LY96: variants seen among roughly 807,000 people sequenced by gnomAD.
The protein encoded by LY96 is lymphocyte antigen 96.
Under a neutral mutation model 18.9 loss-of-function variants are expected in LY96, and 18 were observed. That is an observed-to-expected ratio of 0.95 (90% CI 0.66 to 1.41). LY96 has a LOEUF of 1.41. Among genes scored for constraint, LY96 ranks in the 40% most tolerant of loss-of-function variants. The pLI, the probability that LY96 is intolerant of heterozygous loss-of-function variation, is 0.00. For missense variants in LY96, 175 were observed against 182.4 expected, an observed-to-expected ratio of 0.96 and a Z score of 0.23; for synonymous variants, 66 against 62.6, an observed-to-expected ratio of 1.06 and a Z score of -0.26.
chr8:74,006,439 C>G (rs1257355060), intron 2 of LY96, among the ~76,000 whole-genome samples: 2 of 152,286 alleles, frequency 1.3e-5, no homozygotes, highest in East Asian at 3.9e-4. Context: ...CTCAAGTGAT[C>G]CACCCGCCTA....
chr8:74,073,224 C>T, the LY96 span, among the ~76,000 whole-genome samples: 3 of 152,172 alleles, frequency 2.0e-5, no homozygotes, highest in Non-Finnish European at 1.5e-5. Flanking sequence ...ATACACCTGG[C>T]TCAGGAGAAG....
At chr8:74,022,561 C>G (rs1816790726) in intron 3 of LY96, among the ~76,000 whole-genome samples, 1 of 149,858 alleles carries the variant, frequency 6.7e-6, no homozygotes, top group South Asian at 2.1e-4. Flanking sequence ...TAATAGAAAT[C>G]TAGGGTTTTT....
chr8:74,092,650 A>G, the LY96 span, among the ~76,000 whole-genome samples: 1 of 152,168 alleles, frequency 6.6e-6, no homozygotes, highest in East Asian at 1.9e-4. Flanking sequence ...TTAAATAGCT[A>G]ACACTGAACT....
intron 2 of LY96, among the ~76,000 whole-genome samples, chr8:74,009,239 A>C (rs1816477102): frequency 6.6e-6 from 1 of 151,924 alleles, no homozygotes. Context: ...TACTAAAAAT[A>C]CAAAAATTAG....
Position 74,004,810 on chromosome 8 carries a change from C to G in LY96, c.127C>G (p.Pro43Ala). Reference protein sequence around the residue: ...SYTYCDKMQYPISINVNPCIE... With the variant: ...SYTYCDKMQYAISINVNPCIE... The stretch of plus-strand genomic sequence containing the variant: ...ATTGCTTTTAGATAAAATGCAATAC[C>G]CAATTTCAATTAATGTTAACCCCTG... The change falls in exon 2 of 5, where the codon CCA becomes GCA. Residue 43 changes from proline (P) to alanine (A), a missense_variant. Physicochemically the swap from Pro to Ala is conservative, Grantham distance 27. Coordinates refer to ENST00000284818, the MANE Select transcript of LY96 (RefSeq NM_015364.5). 1 of 1,573,692 alleles carries G rather than the reference C, an allele frequency of 6.4e-7. No homozygotes were observed. Among genetic ancestry groups the G allele is most frequent in the Non-Finnish European group, 8.7e-7 (1 of 1,146,316 alleles).
At chr8:74,070,514 C>G in the LY96 span, among the ~76,000 whole-genome samples, 92 of 152,276 alleles carry the variant, frequency 6.0e-4, no homozygotes, top group African/African-American at 2.1e-3. Flanking sequence ...TTTTATATAT[C>G]CAGTGTATGC....
At chr8:74,017,333 C>T (rs1008088730) in intron 3 of LY96, among the ~76,000 whole-genome samples, 2 of 151,952 alleles carry the variant, frequency 1.3e-5, no homozygotes, top group East Asian at 1.9e-4. Flanking sequence ...TGAAATGAAG[C>T]AAGAAGAGAA....
the LY96 span, among the ~76,000 whole-genome samples, chr8:74,086,974 G>C: frequency 6.6e-6 from 1 of 152,196 alleles, no homozygotes; most frequent in Non-Finnish European, 1.5e-5. Flanking sequence ...GGGGCTTTTT[G>C]TTGCAGCAGC....
the LY96 span, among the ~76,000 whole-genome samples, chr8:74,077,825 G>C: frequency 6.6e-6 from 1 of 151,984 alleles, no homozygotes; most frequent in African/African-American, 2.4e-5. Context: ...GAGGTAACAT[G>C]GGCCAGGTGT....
intron 1 of LY96, among the ~76,000 whole-genome samples, chr8:73,998,975 ATT>A (rs35692787): frequency 1.4e-5 from 2 of 146,700 alleles, no homozygotes. Flanking sequence ...GCTTGTTATA[ATT>A]TTTTTTTTTT....
At chr8:74,027,026 C>G (rs1033107199) in intron 4 of LY96, among the ~76,000 whole-genome samples, 185 bp downstream of exon 4, 1 of 151,386 alleles carries the variant, frequency 6.6e-6, no homozygotes, top group Non-Finnish European at 1.5e-5. Flanking sequence ...CTCCACCCGC[C>G]AACCCCCACC....
At chr8:74,007,745 A>C (rs1444565537) in intron 2 of LY96, among the ~76,000 whole-genome samples, 1 of 152,158 alleles carries the variant, frequency 6.6e-6, no homozygotes, top group African/African-American at 2.4e-5. Flanking sequence ...CTTTTATACC[A>C]CATGACAGCC....
At chr8:73,997,426 A>G (rs1816173766) in intron 1 of LY96, among the ~76,000 whole-genome samples, 1 of 152,186 alleles carries the variant, frequency 6.6e-6, no homozygotes. Flanking sequence ...CATACAATCT[A>G]TTCTTGACAC....
the LY96 span, among the ~76,000 whole-genome samples, chr8:74,074,106 T>C: frequency 6.6e-6 from 1 of 152,300 alleles, no homozygotes; most frequent in Admixed American, 6.5e-5. Flanking sequence ...CAAGTGATTC[T>C]CCTGCCTCAG....
chr8:74,049,544 A>G, the LY96 span, among the ~76,000 whole-genome samples: 4 of 152,228 alleles, frequency 2.6e-5, no homozygotes, highest in Non-Finnish European at 5.9e-5. Context: ...CAGTCAAAAA[A>G]TAAGGGCGAA....
At chr8:73,992,408 A>G (rs1372131434) in intron 1 of LY96, among the ~76,000 whole-genome samples, 1 of 152,170 alleles carries the variant, frequency 6.6e-6, no homozygotes, top group African/African-American at 2.4e-5. Flanking sequence ...TTTTGGGAAA[A>G]TAGGATCTAT....
intron 3 of LY96, among the ~76,000 whole-genome samples, chr8:74,019,135 C>A (rs1816705979): frequency 6.6e-6 from 1 of 152,024 alleles, no homozygotes; most frequent in Admixed American, 6.6e-5. Flanking sequence ...AATCCAGGAG[C>A]TGATTTTTTG....
chr8:74,056,242 A>T, the LY96 span: 539 of 212,004 alleles, frequency 2.5e-3, 5 homozygotes, highest in African/African-American at 0.012. Context: ...ACTGAAGCTC[A>T]TGTTGATGTT....
chr8:74,052,941 A>G, the LY96 span, among the ~76,000 whole-genome samples: 2 of 152,206 alleles, frequency 1.3e-5, no homozygotes, highest in Non-Finnish European at 2.9e-5. Flanking sequence ...AAGAAGGGGT[A>G]AATTAGATTT....
Sources: allele counts gnomAD v4.1 joint callset (sites outside exome capture counted in the v4.1 genomes callset), GRCh38; gene constraint gnomAD v4.1.1; transcripts MANE v1.5; gene names NCBI Gene and HGNC (gene_info 2026-07-23, HGNC 2026-07-21).